SLC25A48: variants seen among roughly 807,000 people sequenced by gnomAD.
The protein encoded by SLC25A48 is CTC-321K16.1.
A neutral mutation model predicts 32.2 loss-of-function variants in SLC25A48; 29 were observed. The ratio of observed to expected loss-of-function variants is 0.90; its 90% CI spans 0.67 to 1.23. SLC25A48 has a LOEUF of 1.23. Among genes scored for constraint, SLC25A48 ranks in the 50% most tolerant of loss-of-function variants. SLC25A48 has a pLI of 0.00. For synonymous variants in SLC25A48, 164 were observed against 172.3 expected (o/e 0.95, Z 0.38); for missense variants, 399 against 422.7 (o/e 0.94, Z 0.49).
At chr5:135,817,929 G>A (rs1483546540) in intron 4 of SLC25A48, among the ~76,000 whole-genome samples, 5 of 152,112 alleles carry the variant, frequency 3.3e-5, no homozygotes, top group Admixed American at 6.6e-5. Flanking sequence ...TATACAAAAC[G>A]CAAAAACTAG....
At chr5:135,663,093 C>T (rs1383874625) in intron 3 of SLC25A48, among the ~76,000 whole-genome samples, 1 of 152,212 alleles carries the variant, frequency 6.6e-6, no homozygotes, top group Non-Finnish European at 1.5e-5. Context: ...CCTTTGGGTT[C>T]TCCCTCTCTG....
chr5:135,776,625 C>T (rs965409571), intron 3 of SLC25A48, among the ~76,000 whole-genome samples: 4 of 151,102 alleles, frequency 2.6e-5, no homozygotes, highest in Non-Finnish European at 4.4e-5. Context: ...GGGATATACA[C>T]CAGCCCATGA....
intron 4 of SLC25A48, among the ~76,000 whole-genome samples, chr5:135,864,690 A>G (rs1761058005): frequency 6.6e-6 from 1 of 152,378 alleles, no homozygotes; most frequent in East Asian, 1.9e-4. Context: ...CGGTTTGACT[A>G]GTTTGAACCC....
At chr5:135,593,926 C>G (rs1170562056) in intron 1 of SLC25A48, among the ~76,000 whole-genome samples, 1 of 152,232 alleles carries the variant, frequency 6.6e-6, no homozygotes, top group Admixed American at 6.5e-5. Flanking sequence ...GACCAGCCCC[C>G]CTGGTCACTG....
At chr5:135,827,126 C>T (rs751706822) in intron 4 of SLC25A48, 4 of 152,336 alleles carry the variant, frequency 2.6e-5, no homozygotes, top group Middle Eastern at 3.4e-3. Context: ...CCACCTACCC[C>T]GGGACCAGAC....
Position 135,852,693 on chromosome 5 carries a change from G to A in SLC25A48, c.293G>A (p.Ser98Asn), listed in dbSNP as rs1481544423. ...CACCGCTGCGGGGAGCCAGAGGCCA[G>A]TCCTCCCCGCACGCTGTCAGACCTG... ...SQHRCGEPEASPPRTLSDLLL... is the reference protein window; with the variant it reads ...SQHRCGEPEANPPRTLSDLLL... The change falls in exon 4 of 8, where the codon AGT (serine) becomes AAT (asparagine). Residue 98 changes from serine to asparagine, a missense_variant. By Grantham distance (46) the Ser-to-Asn change is conservative. Transcript: ENST00000681962. 2 of 1,614,150 alleles carry A rather than the reference G, an allele frequency of 1.2e-6. No individual in the cohort carries two copies. Among genetic ancestry groups the A allele is most frequent in the South Asian group, 2.2e-5 (2 of 91,080 alleles).
intron 4 of SLC25A48, among the ~76,000 whole-genome samples, chr5:135,814,955 G>A (rs1757679785): frequency 6.6e-6 from 1 of 152,192 alleles, no homozygotes; most frequent in African/African-American, 2.4e-5. Context: ...AGAGTACTGT[G>A]GGTTCTGCTA....
chr5:135,770,339 A>C (rs1756374413), intron 3 of SLC25A48, among the ~76,000 whole-genome samples: 1 of 151,636 alleles, frequency 6.6e-6, no homozygotes, highest in Non-Finnish European at 1.5e-5. Flanking sequence ...ATTACTCCCA[A>C]TATCGCAGAG....
intron 7 of SLC25A48, chr5:135,883,314 G>A: frequency 5.1e-6 from 5 of 985,440 alleles, no homozygotes; most frequent in Non-Finnish European, 6.0e-6. Flanking sequence ...CCTGCACCTG[G>A]TAACAAACAA....
At chr5:135,753,721 C>T (rs1192757469) in intron 3 of SLC25A48, among the ~76,000 whole-genome samples, 2 of 151,716 alleles carry the variant, frequency 1.3e-5, no homozygotes, top group African/African-American at 4.8e-5. Flanking sequence ...ATGATATTAG[C>T]AGTGAGAATA....
At chr5:135,721,009 T>C (rs1039789898) in intron 3 of SLC25A48, among the ~76,000 whole-genome samples, 1 of 151,976 alleles carries the variant, frequency 6.6e-6, no homozygotes, top group African/African-American at 2.4e-5. Context: ...GAGACCTGGC[T>C]AGAGGGCTCT....
intron 1 of SLC25A48, among the ~76,000 whole-genome samples, chr5:135,597,799 T>C (rs756630152): frequency 5.9e-5 from 9 of 152,096 alleles, no homozygotes; most frequent in Non-Finnish European, 5.9e-5. Flanking sequence ...AGGTCAGGAA[T>C]TTGAGACTAG....
chr5:135,813,633 G>T (rs1757642889), intron 4 of SLC25A48, among the ~76,000 whole-genome samples: 1 of 152,244 alleles, frequency 6.6e-6, no homozygotes, highest in Non-Finnish European at 1.5e-5. Flanking sequence ...CTGAAAGTTT[G>T]TCCTTCGGAC....
At chr5:135,809,940 C>T (rs575938994) in intron 3 of SLC25A48, among the ~76,000 whole-genome samples, 26 of 152,292 alleles carry the variant, frequency 1.7e-4, no homozygotes, top group African/African-American at 4.3e-4. Flanking sequence ...TGGACTCAAG[C>T]GATCCTCCTG....
chr5:135,879,607 A>AGTGTGTGTGTGT (rs776733956), intron 6 of SLC25A48, among the ~76,000 whole-genome samples: 2 of 139,226 alleles, frequency 1.4e-5, no homozygotes, highest in Non-Finnish European at 3.0e-5. Context: ...AGAGAGAGAG[A>AGTGTGTGTGTGT]GAGAGTGTGT....
intron 3 of SLC25A48, among the ~76,000 whole-genome samples, chr5:135,790,731 T>C (rs544473598): frequency 1.3e-5 from 2 of 151,966 alleles, no homozygotes; most frequent in Admixed American, 1.3e-4. Flanking sequence ...ATACACTGTG[T>C]GATATTATTC....
At chr5:135,794,604 T>G (rs956530520) in intron 3 of SLC25A48, among the ~76,000 whole-genome samples, 2 of 151,768 alleles carry the variant, frequency 1.3e-5, no homozygotes, top group Non-Finnish European at 2.9e-5. Flanking sequence ...AAATTGTTCC[T>G]TATATTTAGG....
chr5:135,748,649 C>T (rs1422530736), intron 3 of SLC25A48, among the ~76,000 whole-genome samples: 7 of 152,078 alleles, frequency 4.6e-5, no homozygotes, highest in Non-Finnish European at 2.9e-5. Context: ...TCACAGCCAG[C>T]AGGCTCCACT....
At chr5:135,828,232 C>G (rs533595026) in intron 4 of SLC25A48, among the ~76,000 whole-genome samples, 1 of 152,372 alleles carries the variant, frequency 6.6e-6, no homozygotes, top group East Asian at 1.9e-4. Context: ...TCTGGCCCAC[C>G]TGCCGGCCTT....
Sources: gnomAD v4.1 joint callset for allele counts (sites outside exome capture counted in the v4.1 genomes callset) on GRCh38, gnomAD v4.1.1 for gene constraint, MANE v1.5 for transcripts, NCBI Gene and HGNC (gene_info 2026-07-23, HGNC 2026-07-21) for gene names.